The following TAF3 variants were observed in gnomAD, a reference collection of about 807,000 sequenced individuals.
The protein encoded by TAF3 is transcription initiation factor TFIID subunit 3.
In TAF3, 7 loss-of-function variants were observed where a neutral mutation model predicts 80.6. The observed-to-expected ratio is 0.09, with a 90% CI of 0.05 to 0.16. The LOEUF is 0.16. Ranked by LOEUF, TAF3 falls within the 10% of genes least tolerant of loss-of-function variation. The pLI, the probability that TAF3 is intolerant of heterozygous loss-of-function variation, is 1.00. For synonymous variants in TAF3, 444 were observed against 446.1 expected (o/e 1.00, Z 0.06); for missense variants, 921 against 1,140.2 (o/e 0.81, Z 2.77).
At chr10:7,830,732 C>A (rs1836791422) in intron 2 of TAF3, among the ~76,000 whole-genome samples, 1 of 152,142 alleles carries the variant, frequency 6.6e-6, no homozygotes, top group Admixed American at 6.5e-5. Context: ...GATCCGCCAG[C>A]CTCGGCCTCC....
At chr10:7,908,146 G>T (rs1024457248) in intron 2 of TAF3, among the ~76,000 whole-genome samples, 6 of 151,930 alleles carry the variant, frequency 3.9e-5, no homozygotes, top group African/African-American at 1.5e-4. Flanking sequence ...ATTTCCTCTT[G>T]TGTGTACATA....
chr10:7,846,045 G>A (rs538345150), intron 2 of TAF3, among the ~76,000 whole-genome samples: 435 of 145,418 alleles, frequency 3.0e-3, no homozygotes, highest in Non-Finnish European at 4.3e-3. Context: ...TGCAAGCTCC[G>A]CCTCCTGGGT....
intron 2 of TAF3, among the ~76,000 whole-genome samples, chr10:7,847,274 GAACA>G (rs1212832609): frequency 6.6e-6 from 1 of 152,128 alleles, no homozygotes; most frequent in Non-Finnish European, 1.5e-5. Context: ...ATATGTCTAA[GAACA>G]AACAAGAAAT....
At chr10:7,936,217 C>CA (rs1236473833) in intron 2 of TAF3, among the ~76,000 whole-genome samples, 1 of 152,148 alleles carries the variant, frequency 6.6e-6, no homozygotes, top group Non-Finnish European at 1.5e-5. Context: ...GAAACAAGCA[C>CA]AGTAACAATA....
At chr10:7,900,751 G>C (rs1182801030) in intron 2 of TAF3, among the ~76,000 whole-genome samples, 3 of 152,180 alleles carry the variant, frequency 2.0e-5, no homozygotes, top group Admixed American at 6.5e-5. Context: ...GGAAGGTATA[G>C]GGTAGGGTAG....
At chr10:7,951,022 A>G (rs1838077311) in intron 2 of TAF3, among the ~76,000 whole-genome samples, 1 of 152,214 alleles carries the variant, frequency 6.6e-6, no homozygotes, top group South Asian at 2.1e-4. Flanking sequence ...AATATCTTAG[A>G]TAAGGTGTCT....
intron 2 of TAF3, among the ~76,000 whole-genome samples, chr10:7,949,502 T>A (rs1282032214): frequency 6.6e-6 from 1 of 152,212 alleles, no homozygotes; most frequent in Non-Finnish European, 1.5e-5. Context: ...ATTATGTAAG[T>A]CCTCCCTTCT....
intron 2 of TAF3, among the ~76,000 whole-genome samples, chr10:7,938,777 G>A (rs779191734): frequency 1.3e-5 from 2 of 152,166 alleles, no homozygotes; most frequent in Non-Finnish European, 2.9e-5. Context: ...TGAAACTGCC[G>A]AATGTTAAGT....
chr10:7,837,156 A>T (rs561790515), intron 2 of TAF3, among the ~76,000 whole-genome samples: 18 of 152,330 alleles, frequency 1.2e-4, no homozygotes, highest in Admixed American at 9.8e-4. Context: ...TGAAGTCAGG[A>T]GTTCAAGACC....
At chr10:7,830,658 A>G (rs1014925820) in intron 2 of TAF3, among the ~76,000 whole-genome samples, 5 of 151,346 alleles carry the variant, frequency 3.3e-5, no homozygotes, top group Non-Finnish European at 5.9e-5. Flanking sequence ...TAATTTTTGT[A>G]TTTTTAGTAG....
chr10:7,831,023 G>T (rs1197241630), intron 2 of TAF3, among the ~76,000 whole-genome samples: 1 of 152,198 alleles, frequency 6.6e-6, no homozygotes, highest in Admixed American at 6.5e-5. Flanking sequence ...TTTTGTTGGT[G>T]TTAGCAGTGC....
At chr10:7,928,165 A>G (rs1365169301) in intron 2 of TAF3, among the ~76,000 whole-genome samples, 3 of 152,198 alleles carry the variant, frequency 2.0e-5, no homozygotes, top group African/African-American at 7.2e-5. Context: ...GACCTTCCGC[A>G]ATGAAAGGAC....
At chr10:7,956,211 C>T (rs1041448439) in intron 2 of TAF3, among the ~76,000 whole-genome samples, 8 of 151,952 alleles carry the variant, frequency 5.3e-5, no homozygotes, top group Non-Finnish European at 7.4e-5. Flanking sequence ...AAAAATAGGC[C>T]GGGCGCGGTG....
chr10:7,942,675 G>A (rs778664440), intron 2 of TAF3, among the ~76,000 whole-genome samples: 10 of 152,202 alleles, frequency 6.6e-5, no homozygotes, highest in Non-Finnish European at 2.9e-5. Flanking sequence ...CAGATCCCAA[G>A]AAGCGCTGGG....
intron 2 of TAF3, among the ~76,000 whole-genome samples, chr10:7,832,029 G>T (rs7078361): frequency 6.6e-6 from 1 of 151,856 alleles, no homozygotes; most frequent in Non-Finnish European, 1.5e-5. Flanking sequence ...AATGCCTATC[G>T]TTTTTTGTGG....
intron 2 of TAF3, among the ~76,000 whole-genome samples, chr10:7,849,746 C>G (rs1038955454): frequency 2.6e-5 from 4 of 151,544 alleles, no homozygotes; most frequent in African/African-American, 9.7e-5. Context: ...GTGGCACGAT[C>G]TTGGCTCACT....
At chr10:7,858,453 A>G (rs1209668711) in intron 2 of TAF3, among the ~76,000 whole-genome samples, 1 of 152,214 alleles carries the variant, frequency 6.6e-6, no homozygotes, top group Non-Finnish European at 1.5e-5. Context: ...GATCATTAGC[A>G]GGGGTTGTTC....
intron 2 of TAF3, 45 bp downstream of exon 2, chr10:7,824,605 GA>G: frequency 6.3e-7 from 1 of 1,592,332 alleles, no homozygotes; most frequent in South Asian, 1.1e-5. Context: ...TATTTTAATG[GA>G]TTTTTAATCC....
At chr10:8,004,631 A>C (rs146587751) in intron 4 of TAF3, among the ~76,000 whole-genome samples, 11 of 152,328 alleles carry the variant, frequency 7.2e-5, no homozygotes, top group African/African-American at 2.6e-4. Context: ...CATCATTGCT[A>C]ATTAAGAAGT....
Sources: allele counts gnomAD v4.1 joint callset (sites outside exome capture counted in the v4.1 genomes callset), GRCh38; gene constraint gnomAD v4.1.1; transcripts MANE v1.5; gene names NCBI Gene and HGNC (gene_info 2026-07-23, HGNC 2026-07-21).